SEPHS2: variants seen among roughly 807,000 people sequenced by gnomAD.
The protein encoded by SEPHS2 is selenide, water dikinase 2.
A neutral mutation model predicts 23.9 loss-of-function variants in SEPHS2; 11 were observed. The observed-to-expected ratio is 0.46, with a 90% confidence interval of 0.29 to 0.76. The LOEUF is 0.76. SEPHS2 is among the 30% of genes least tolerant of loss of function. SEPHS2 has a pLI of 0.10. For missense variants in SEPHS2, 541 were observed against 592.5 expected, an observed-to-expected ratio of 0.91 and a Z score of 0.90; for synonymous variants, 239 against 247.5, an observed-to-expected ratio of 0.97 and a Z score of 0.32.
chr16:30,445,483 C>A lies in SEPHS2; in HGVS notation c.245G>T (p.Arg82Leu), dbSNP rs779243501. The stretch of plus-strand genomic sequence containing the variant: ...CACCAGGCCCCGGCCCAGCGGGGGC[C>A]GCACGTCCGGCCGCGTCAGTCCCGC... ...LLAGLTRPDV[R>L]PPLGRGLVGG... Residue 82 changes from arginine (R) to leucine (L), a missense_variant, in exon 1 of 1, where the codon CGG (arginine) becomes CTG (leucine). This residue lies in a region of SEPHS2 where 207 missense variants were observed against 182.2 expected (regional missense o/e 1.14). Transcript: ENST00000478753. 6.5e-7 allele frequency: 1 copy of A among 1,539,474 alleles called. No homozygotes were observed. The highest frequency in any genetic ancestry group is 8.7e-7 in the Non-Finnish European group (1 of 1,147,776).
rs2050267278 is a variant in SEPHS2, at chr16:30,444,224, G to T, written c.*157C>A. On this transcript the variant is annotated 3_prime_UTR_variant, in exon 1 of 1. Transcript: ENST00000478753. This position sits in a 1 kb window ranked among gnomAD's most constrained non-coding sequence, Gnocchi z 4.0. ...ACTCTGGCCTCGGAATGCATATAAAGACTGCTTTAGATGGGCTGATTCCAA... is the reference window on the plus strand; with the variant it reads ...ACTCTGGCCTCGGAATGCATATAAATACTGCTTTAGATGGGCTGATTCCAA... 5 of 599,706 alleles carry T rather than the reference G, an allele frequency of 8.3e-6. No homozygotes were observed. In the Admixed American group the frequency reaches 1.1e-4, roughly 13 times the overall value. 37.1% of individuals were successfully genotyped at this position (599,706 alleles called of 1,614,324 possible).
rs1179263046 is a variant in SEPHS2 at position 30,445,320 on chromosome 16, G to A, written c.408C>T (p.Thr136=). ...LRHGGLSLVQ[T]TDFFYPLVED... ...CTACCAAGGGGTAAAAGAAGTCCGT[G>A]GTCTGCACCAGTGACAGGCCCCCGT... The change falls in exon 1 of 1, where the codon ACC becomes ACT. Residue 136 remains threonine, a synonymous_variant. Transcript: ENST00000478753. 1.9e-6 allele frequency: 3 copies of A among 1,613,870 alleles called. No individual in the cohort carries two copies. Among genetic ancestry groups the A allele is most frequent in the African/African-American group, 2.7e-5 (2 of 74,942 alleles).
In SEPHS2 at chr16:30,445,845, C is replaced by T; in HGVS notation, c.-118G>A. ...GGATTCTCCCTAGCGCTACTCAAGCCGTCAGACCCACGGCATGCACAATCT... is the reference window on the plus strand; with the variant it reads ...GGATTCTCCCTAGCGCTACTCAAGCTGTCAGACCCACGGCATGCACAATCT... On this transcript the variant is annotated 5_prime_UTR_variant, in exon 1 of 1. Coordinates refer to ENST00000478753, the MANE Select transcript of SEPHS2 (RefSeq NM_012248.4). 1 of 1,316,844 alleles carries T rather than the reference C, an allele frequency of 7.6e-7. No homozygotes were observed. Among genetic ancestry groups the T allele is most frequent in the South Asian group, 1.6e-5 (1 of 63,136 alleles). 81.6% of individuals were successfully genotyped at this position (1,316,844 alleles called of 1,614,324 possible). A position where few individuals can be genotyped will look rare whatever the true frequency, so the allele number is the denominator to read the frequency against.
chr16:30,445,520 G>A lies in SEPHS2; in HGVS notation c.208C>T (p.Leu70Phe), dbSNP rs1250044651. The change falls in exon 1 of 1, where the codon CTC becomes TTC. Residue 70 changes from leucine (L) to phenylalanine (F), a missense_variant. Physicochemically the swap from Leu to Phe is conservative, Grantham distance 22 (BLOSUM62 0). This residue lies in a region of SEPHS2 where 207 missense variants were observed against 182.2 expected (regional missense o/e 1.14). Coordinates refer to ENST00000478753, the MANE Select transcript of SEPHS2 (RefSeq NM_012248.4). ...CGCGTCAGTCCCGCCAGGAGTTTGA[G>A]CAGCGCCTCCTGCGGGACCTTGCAG... Reference protein sequence around the residue: ...UGCKVPQEALLKLLAGLTRPD... With the variant: ...UGCKVPQEALFKLLAGLTRPD... The A allele has an allele frequency of 6.5e-7, 1 of 1,535,418 alleles. No individual in the cohort carries two copies. The highest frequency in any genetic ancestry group is 1.2e-5 in the South Asian group (1 of 84,444).
rs1287006422 is a variant in SEPHS2, at chr16:30,444,247, C to A, written c.*134G>T. ...AAGACTGCTTTAGATGGGCTGATTC[C>A]AATCACCTAGAAAGGGCAGCCGGAA... On this transcript the variant is annotated 3_prime_UTR_variant, in exon 1 of 1. Transcript: ENST00000478753. This position sits in a 1 kb window ranked among gnomAD's most constrained non-coding sequence, Gnocchi z 4.0. 3.7e-6 allele frequency: 3 copies of A among 821,436 alleles called. No homozygotes were observed. Among genetic ancestry groups the A allele is most frequent in the Non-Finnish European group, 5.6e-6 (3 of 535,292 alleles). The allele number at this position is 821,436 out of a possible 1,614,324, so 50.9% of individuals were successfully genotyped here.
Position 30,445,366 on chromosome 16 carries a change from G to C in SEPHS2, c.362C>G (p.Ser121Cys). The C allele has an allele frequency of 6.2e-7, 1 of 1,610,742 alleles. No homozygotes were observed. The highest frequency in any genetic ancestry group is 8.5e-7 in the Non-Finnish European group (1 of 1,178,698). The change falls in exon 1 of 1, where the codon TCC (serine) becomes TGC (cysteine). Residue 121 changes from serine to cysteine, a missense_variant. Around this residue, in one of 3 missense-constraint regions of SEPHS2, gnomAD observed 207 missense variants for 182.2 expected, o/e 1.14. Coordinates refer to ENST00000478753, the MANE Select transcript of SEPHS2 (RefSeq NM_012248.4). ...CCCGTGCCTCAGGGGGATGACGCAGGAGTCCATCCCGATGCCCAGGGCTGG... is the reference window on the plus strand; with the variant it reads ...CCCGTGCCTCAGGGGGATGACGCAGCAGTCCATCCCGATGCCCAGGGCTGG... Reference protein sequence around the residue: ...TFPALGIGMDSCVIPLRHGGL... With the variant: ...TFPALGIGMDCCVIPLRHGGL...
chr16:30,444,322 G>T lies in SEPHS2; in HGVS notation c.*59C>A. ...GAAATTTCTTACAATCAACTCTTGAGAACCATCCGTGATTGTGGACAATGG... is the reference window on the plus strand; with the variant it reads ...GAAATTTCTTACAATCAACTCTTGATAACCATCCGTGATTGTGGACAATGG... On this transcript the variant is annotated 3_prime_UTR_variant, in exon 1 of 1. Transcript: ENST00000478753. This position sits in a 1 kb window ranked among gnomAD's most constrained non-coding sequence, Gnocchi z 4.0. The T allele has an allele frequency of 6.7e-7, 1 of 1,502,212 alleles. No individual in the cohort carries two copies. Among genetic ancestry groups the T allele is most frequent in the South Asian group, 1.3e-5 (1 of 76,048 alleles). 93.1% of individuals were successfully genotyped at this position (1,502,212 alleles called of 1,614,324 possible). A position where few individuals can be genotyped will look rare whatever the true frequency, so the allele number is the denominator to read the frequency against.
At position 30,445,654 on chromosome 16, in the gene SEPHS2, C is replaced by G. The variant is rs1480157438; in HGVS notation, c.74G>C (p.Gly25Ala). The change falls in exon 1 of 1, where the codon GGC (glycine) becomes GCC (alanine). Residue 25 changes from glycine (G) to alanine (A), a missense_variant. This residue lies in a region of SEPHS2 where 207 missense variants were observed against 182.2 expected (regional missense o/e 1.14). Coordinates refer to ENST00000478753, the MANE Select transcript of SEPHS2 (RefSeq NM_012248.4). Reference protein sequence around the residue: ...AAAEGSSGPAGLTLGRSFSNY... With the variant: ...AAAEGSSGPAALTLGRSFSNY... ...CGAGAAGCTCCGGCCCAGAGTCAAG[C>G]CCGCCGGGCCCGAGGAGCCTTCCGC... The G allele has an allele frequency of 2.6e-6, 4 of 1,534,488 alleles. No homozygotes were observed. Among genetic ancestry groups the G allele is most frequent in the Non-Finnish European group, 3.5e-6 (4 of 1,145,606 alleles).
chr16:30,444,778 A>G lies in SEPHS2; in HGVS notation c.950T>C (p.Ile317Thr). Residue 317 changes from isoleucine to threonine, a missense_variant, in exon 1 of 1, where the codon ATC becomes ACC. Ile to Thr is a moderately conservative substitution (Grantham distance 89). Coordinates refer to ENST00000478753, the MANE Select transcript of SEPHS2 (RefSeq NM_012248.4). The surrounding 1 kb of genome is among the most constrained non-coding windows in gnomAD (Gnocchi z 4.0). ...GTGTCCTAGAATGCCAAAGCCTGTG[A>G]TATCTGTGGCCGCATGGGCATTAAA... ...HTFNAHAATD[I>T]TGFGILGHSQ... The G allele has an allele frequency of 6.2e-7, 1 of 1,612,854 alleles. No homozygotes were observed. The highest frequency in any genetic ancestry group is 8.5e-7 in the Non-Finnish European group (1 of 1,179,182).
In SEPHS2 at chr16:30,445,620, C is replaced by T; in HGVS notation, c.108G>A (p.Arg36=). 1 of 1,536,820 alleles carries T rather than the reference C, an allele frequency of 6.5e-7. No homozygotes were observed. The highest frequency in any genetic ancestry group is 8.7e-7 in the Non-Finnish European group (1 of 1,147,434). Residue 36 remains arginine, a synonymous_variant, in exon 1 of 1, where the codon CGG becomes CGA. Transcript: ENST00000478753. Reference sequence around the variant, plus strand: ...GGCCCAACGCCTGGGGCTCGAAGGGCCGGTAGTTCGAGAAGCTCCGGCCCA... The same window carrying T: ...GGCCCAACGCCTGGGGCTCGAAGGGTCGGTAGTTCGAGAAGCTCCGGCCCA... ...LTLGRSFSNY[R]PFEPQALGLS... is the part of the protein sequence containing the mutation.
chr16:30,444,939 G>A lies in SEPHS2; in HGVS notation c.789C>T (p.His263=), dbSNP rs1270239240. 4.3e-6 allele frequency: 7 copies of A among 1,614,088 alleles called. No homozygotes were observed. The highest frequency in any genetic ancestry group is 1.1e-5 in the South Asian group (1 of 91,084). ...ATCTTTCAGGATTATCCAGCCATTG[G>A]TGGGCATTGACAGCAACCTGGGTTC... ...PLGTQVAVNA[H]QWLDNPERWN... The change falls in exon 1 of 1, where the codon CAC becomes CAT. Residue 263 remains histidine (H), a synonymous_variant. Coordinates refer to ENST00000478753, the MANE Select transcript of SEPHS2 (RefSeq NM_012248.4). The surrounding 1 kb of genome is among the most constrained non-coding windows in gnomAD (Gnocchi z 4.0).
chr16:30,444,727 C>T lies in SEPHS2; in HGVS notation c.1001G>A (p.Arg334Lys), dbSNP rs371044537. 1.7e-5 allele frequency: 28 copies of T among 1,603,792 alleles called. No homozygotes were observed. The African/African-American group carries it at 3.8e-4, about 22-fold the overall frequency. ...GHSQNLAKQQ[R>K]NEVSFVIHNL... Reference sequence around the variant, plus strand: ...ATGAATAACAAAGGACACTTCATTTCTTTGTTGTTTTGCAAGGTTCTGGGA... The same window carrying T: ...ATGAATAACAAAGGACACTTCATTTTTTTGTTGTTTTGCAAGGTTCTGGGA... The change falls in exon 1 of 1, where the codon AGA (arginine) becomes AAA (lysine). Residue 334 changes from arginine (R) to lysine (K), a missense_variant. By Grantham distance (26) the Arg-to-Lys change is conservative. This residue lies in a region of SEPHS2 where 224 missense variants were observed against 237.4 expected (regional missense o/e 0.94). Transcript: ENST00000478753. This position sits in a 1 kb window ranked among gnomAD's most constrained non-coding sequence, Gnocchi z 4.0.
At position 30,445,457 on chromosome 16, in the gene SEPHS2, C is replaced by T; in HGVS notation, c.271G>A (p.Gly91Ser). 7.1e-6 allele frequency: 11 copies of T among 1,549,520 alleles called. No individual in the cohort carries two copies. The highest frequency in any genetic ancestry group is 8.7e-6 in the Non-Finnish European group (10 of 1,152,282). Residue 91 changes from glycine (G) to serine (S), a missense_variant, in exon 1 of 1, where the codon GGT becomes AGT. Physicochemically the swap from Gly to Ser is moderately conservative, Grantham distance 56. Transcript: ENST00000478753. Reference sequence around the variant, plus strand: ...TCCTGGGACGCCTCTTCCTGGCCACCCACCAGGCCCCGGCCCAGCGGGGGC... The same window carrying T: ...TCCTGGGACGCCTCTTCCTGGCCACTCACCAGGCCCCGGCCCAGCGGGGGC... ...VRPPLGRGLV[G>S]GQEEASQEAG...
In SEPHS2 at chr16:30,445,521, C is replaced by A. The variant is rs747738263; in HGVS notation, c.207G>T (p.Leu69=). 4 of 1,535,066 alleles carry A rather than the reference C, an allele frequency of 2.6e-6. No individual in the cohort carries two copies. Among genetic ancestry groups the A allele is most frequent in the Non-Finnish European group, 3.5e-6 (4 of 1,146,622 alleles). Residue 69 remains leucine, a synonymous_variant, in exon 1 of 1, where the codon CTG becomes CTT. Transcript: ENST00000478753. Reference sequence around the variant, plus strand: ...GCGTCAGTCCCGCCAGGAGTTTGAGCAGCGCCTCCTGCGGGACCTTGCAGC... The same window carrying A: ...GCGTCAGTCCCGCCAGGAGTTTGAGAAGCGCCTCCTGCGGGACCTTGCAGC... ...GUGCKVPQEA[L]LKLLAGLTRP...
At position 30,443,733 on chromosome 16, in the gene SEPHS2, A is replaced by AC. The variant is rs2151132465; in HGVS notation, c.*647dup. ...CAAAAGACTTAACATCTTAATGACC[A>AC]CTGAGGCCTGGGCTCTGAGGCTTGC... is the stretch of plus-strand genomic sequence containing the variant. On this transcript the variant is annotated 3_prime_UTR_variant, in exon 1 of 1. Transcript: ENST00000478753. 6.5e-6 allele frequency: 1 copy of AC among 152,752 alleles called. No homozygotes were observed. Among genetic ancestry groups the AC allele is most frequent in the South Asian group, 2.1e-4 (1 of 4,832 alleles). 9.5% of individuals were successfully genotyped at this position (152,752 alleles called of 1,614,324 possible).
rs1323474690 is a variant in SEPHS2, at chr16:30,444,715, G to A, written c.1013C>T (p.Ser338Phe). ...NLAKQQRNEVSFVIHNLPIIA... is the reference protein window; with the variant it reads ...NLAKQQRNEVFFVIHNLPIIA... ...TATTGGCAGATTATGAATAACAAAG[G>A]ACACTTCATTTCTTTGTTGTTTTGC... The change falls in exon 1 of 1, where the codon TCC becomes TTC. Residue 338 changes from serine to phenylalanine, a missense_variant. Physicochemically the swap from Ser to Phe is radical, Grantham distance 155 (BLOSUM62 -2). Transcript: ENST00000478753. The surrounding 1 kb of genome is among the most constrained non-coding windows in gnomAD (Gnocchi z 4.0). The A allele has an allele frequency of 3.7e-6, 6 of 1,606,494 alleles. No homozygotes were observed. The highest frequency in any genetic ancestry group is 1.3e-5 in the African/African-American group (1 of 74,568).
Position 30,444,679 on chromosome 16 carries a change from A to G in SEPHS2, c.1049T>C (p.Met350Thr), listed in dbSNP as rs938713238. Residue 350 changes from methionine to threonine, a missense_variant, in exon 1 of 1, where the codon ATG (methionine) becomes ACG (threonine). Met to Thr is a moderately conservative substitution (Grantham distance 81). Around this residue, in one of 3 missense-constraint regions of SEPHS2, gnomAD observed 224 missense variants for 237.4 expected, o/e 0.94. Transcript: ENST00000478753. The surrounding 1 kb of genome is among the most constrained non-coding windows in gnomAD (Gnocchi z 4.0). ...VIHNLPIIAK[M>T]AAVSKASGRF... Reference sequence around the variant, plus strand: ...TCCACTGGCCTTGCTGACGGCAGCCATCTTGGCAATTATTGGCAGATTATG... The same window carrying G: ...TCCACTGGCCTTGCTGACGGCAGCCGTCTTGGCAATTATTGGCAGATTATG... 5.6e-6 allele frequency: 9 copies of G among 1,609,756 alleles called. No homozygotes were observed. The highest frequency in any genetic ancestry group is 6.8e-6 in the Non-Finnish European group (8 of 1,176,940).
At position 30,444,625 on chromosome 16, in the gene SEPHS2, G is replaced by T. The variant is rs2151132641; in HGVS notation, c.1103C>A (p.Ala368Asp). Residue 368 changes from alanine (A) to aspartate (D), a missense_variant, in exon 1 of 1, where the codon GCT becomes GAT. Ala to Asp is a moderately radical substitution (Grantham distance 126). Around this residue, in one of 3 missense-constraint regions of SEPHS2, gnomAD observed 224 missense variants for 237.4 expected, o/e 0.94. Coordinates refer to ENST00000478753, the MANE Select transcript of SEPHS2 (RefSeq NM_012248.4). The surrounding 1 kb of genome is among the most constrained non-coding windows in gnomAD (Gnocchi z 4.0). ...AATCAGTAATCCCCCAGAGGTTTCA[G>T]CTGAGGTTCCTTGAAGAAGCCCAAA... ...GRFGLLQGTS[A>D]ETSGGLLICL... 6.2e-7 allele frequency: 1 copy of T among 1,614,172 alleles called. No homozygotes were observed. The highest frequency in any genetic ancestry group is 1.1e-5 in the South Asian group (1 of 91,082).
At position 30,444,060 on chromosome 16, in the gene SEPHS2, G is replaced by C. The variant is rs116535126; in HGVS notation, c.*321C>G. The C allele has an allele frequency of 2.8e-3, 637 of 230,926 alleles. 4 individuals carry two copies. Among genetic ancestry groups the C allele is most frequent in the African/African-American group, 0.014 (602 of 44,346 alleles). The allele number at this position is 230,926 out of a possible 1,614,324, so 14.3% of individuals were successfully genotyped here. Reference sequence around the variant, plus strand: ...CTTTAATAATCTCACTCCCTGTGCAGAAATTAATCAACCCCGTGCAAAGAA... The same window carrying C: ...CTTTAATAATCTCACTCCCTGTGCACAAATTAATCAACCCCGTGCAAAGAA... On this transcript the variant is annotated 3_prime_UTR_variant, in exon 1 of 1. Transcript: ENST00000478753. This position sits in a 1 kb window ranked among gnomAD's most constrained non-coding sequence, Gnocchi z 4.0.
Sources: allele counts gnomAD v4.1 joint callset, GRCh38; gene constraint gnomAD v4.1.1; regional missense constraint gnomAD v4.1.1; non-coding constraint Gnocchi (gnomAD v3.1); transcripts MANE v1.5; gene names NCBI Gene and HGNC (gene_info 2026-07-23, HGNC 2026-07-21).